Variants in DYNC1I2 observed in about 807,000 individuals in gnomAD.
The protein encoded by DYNC1I2 is dynein cytoplasmic 1 intermediate chain 2, also known as cytoplasmic dynein 1 intermediate chain 2.
Under a neutral mutation model 88.6 loss-of-function variants are expected in DYNC1I2, and 53 were observed. That is an observed-to-expected ratio of 0.60 (90% CI 0.48 to 0.75). DYNC1I2 has a LOEUF of 0.75. Among genes scored for constraint, DYNC1I2 ranks in the 30% least tolerant of loss-of-function variants. The pLI, the probability that DYNC1I2 is intolerant of heterozygous loss-of-function variation, is 0.00. For synonymous variants in DYNC1I2, 198 were observed against 254.6 expected (o/e 0.78, Z 2.12); for missense variants, 458 against 766.6 (o/e 0.60, Z 4.75).
chr2:171,712,713 A>G, intron 5 of DYNC1I2, 54 bp from the exon 6 acceptor site: 1 of 1,311,170 alleles, frequency 7.6e-7, no homozygotes, highest in Non-Finnish European at 1.1e-6. Flanking sequence ...TATTTGCTTG[A>G]CTAACTTATG....
chr2:171,732,412 G>A (rs1264697708), intron 15 of DYNC1I2, among the ~76,000 whole-genome samples: 1 of 152,122 alleles, frequency 6.6e-6, no homozygotes, highest in Admixed American at 6.5e-5. Context: ...TTTTATTTCA[G>A]TGCTTAATAT....
chr2:171,687,973 A>G (rs3795999), intron 1 of DYNC1I2: 108,432 of 152,242 alleles, frequency 0.71, 38,934 homozygotes, highest in South Asian at 0.83. Context: ...CGCCCGGCCC[A>G]GCTTTGGGGA....
rs1689984008 is a variant in DYNC1I2, at chr2:171,749,559, T to G, written c.*1670T>G. 6.6e-6 allele frequency among the ~76,000 whole-genome samples: 1 copy of G among 152,152 alleles called. No individual in the cohort carries two copies. Among genetic ancestry groups the G allele is most frequent in the Admixed American group, 6.5e-5 (1 of 15,276 alleles). On this transcript the variant is annotated 3_prime_UTR_variant, in exon 18 of 18. Coordinates refer to ENST00000397119, the MANE Select transcript of DYNC1I2 (RefSeq NM_001378.3). ...AGTTACTGTATCTTTACCTTCAGTT[T>G]GTAAAAATGACTAAAAGTAGGGAAA...
chr2:171,740,618 T>C lies in DYNC1I2; in HGVS notation c.1537-3431T>C, dbSNP rs115777655. Among the ~76,000 whole-genome samples the C allele has an allele frequency of 7.5e-3, 1,143 of 152,334 alleles. 12 individuals are homozygous for C. Among genetic ancestry groups the C allele is most frequent in the African/African-American group, 0.026 (1,071 of 41,574 alleles). On this transcript the variant is annotated intron_variant, in intron 15 of 17. Transcript: ENST00000397119. Reference sequence around the variant, plus strand: ...TTTCAATATGTAGTTTCAAGCTGTCTTTCATTTTAGGAGAGTTCTTTTGAG... The same window carrying C: ...TTTCAATATGTAGTTTCAAGCTGTCCTTCATTTTAGGAGAGTTCTTTTGAG...
At chr2:171,688,087 G>C (rs1685101666) in intron 1 of DYNC1I2, 1 of 152,300 alleles carries the variant, frequency 6.6e-6, no homozygotes, top group African/African-American at 2.4e-5. Context: ...GGAGCCTTGA[G>C]GCTTGTCCGG....
intron 3 of DYNC1I2, among the ~76,000 whole-genome samples, chr2:171,694,375 T>G (rs1685604976): frequency 6.6e-6 from 1 of 152,048 alleles, no homozygotes. Flanking sequence ...TGAAAAGAGG[T>G]GGCTGGGTGG....
At chr2:171,687,775 G>T (rs1188053114) in intron 1 of DYNC1I2, 148 bp downstream of exon 1, 1 of 152,678 alleles carries the variant, frequency 6.5e-6, no homozygotes. Flanking sequence ...GAAAGCCGCG[G>T]AGCTGGTGGT....
intron 7 of DYNC1I2, among the ~76,000 whole-genome samples, chr2:171,721,173 T>G (rs982637846): frequency 6.7e-6 from 1 of 149,952 alleles, no homozygotes; most frequent in Non-Finnish European, 1.5e-5. Flanking sequence ...AAATTTTGTG[T>G]TAAAGGAAGT....
intron 7 of DYNC1I2, 42 bp from the exon 8 acceptor site, chr2:171,725,576 C>CTGTTTTTT (rs777928210): frequency 1.7e-6 from 2 of 1,175,790 alleles, no homozygotes; most frequent in Admixed American, 3.1e-5. Context: ...TTATATCATT[C>CTGTTTTTT]TGTTTTTTTG....
At chr2:171,741,841 G>A (rs1689447793) in intron 15 of DYNC1I2, among the ~76,000 whole-genome samples, 1 of 152,048 alleles carries the variant, frequency 6.6e-6, no homozygotes, top group Non-Finnish European at 1.5e-5. Context: ...TAGCACTTTG[G>A]GAGGCCGAGG....
intron 4 of DYNC1I2, chr2:171,706,902 G>A (rs1686724528): frequency 2.5e-6 from 1 of 399,178 alleles, no homozygotes; most frequent in Non-Finnish European, 4.4e-6. Flanking sequence ...GGCAGCAATT[G>A]TAAATAATAT....
chr2:171,702,940 G>T (rs531248493), intron 3 of DYNC1I2, among the ~76,000 whole-genome samples: 1 of 152,172 alleles, frequency 6.6e-6, no homozygotes, highest in African/African-American at 2.4e-5. Flanking sequence ...GTGCAGGCTG[G>T]TATCAAACTC....
intron 3 of DYNC1I2, among the ~76,000 whole-genome samples, chr2:171,698,935 G>A (rs1352703340): frequency 6.6e-6 from 1 of 151,184 alleles, no homozygotes; most frequent in Non-Finnish European, 1.5e-5. Flanking sequence ...CTGAGCTCAA[G>A]CAATCCACCC....
intron 2 of DYNC1I2, among the ~76,000 whole-genome samples, chr2:171,690,915 C>T (rs1685359061): frequency 6.6e-6 from 1 of 151,832 alleles, no homozygotes; most frequent in Non-Finnish European, 1.5e-5. Context: ...CTAGGCTTCC[C>T]GAAGTGTTGG....
chr2:171,702,045 A>G (rs1686303443), intron 3 of DYNC1I2, among the ~76,000 whole-genome samples: 1 of 152,224 alleles, frequency 6.6e-6, no homozygotes, highest in Non-Finnish European at 1.5e-5. Context: ...TATTTAGCTT[A>G]TGATATCTAT....
At chr2:171,735,684 C>T (rs376286021) in intron 15 of DYNC1I2, among the ~76,000 whole-genome samples, 3 of 152,112 alleles carry the variant, frequency 2.0e-5, no homozygotes, top group Non-Finnish European at 4.4e-5. Context: ...AATTCACAAC[C>T]GAAGCACTTT....
intron 7 of DYNC1I2, among the ~76,000 whole-genome samples, chr2:171,719,198 A>G (rs763886600): frequency 3.9e-5 from 4 of 102,130 alleles, no homozygotes; most frequent in East Asian, 3.3e-4. Flanking sequence ...TCCTGATACC[A>G]TGGAGCTATC....
In DYNC1I2 at chr2:171,725,600, T is replaced by TG; in HGVS notation, c.512-18_512-17insG. 2 of 1,049,650 alleles carry TG rather than the reference T, an allele frequency of 1.9e-6. No individual in the cohort carries two copies. The highest frequency in any genetic ancestry group is 1.9e-5 in the African/African-American group (1 of 52,580). 65.0% of individuals were successfully genotyped at this position (1,049,650 alleles called of 1,614,324 possible). A position where few individuals can be genotyped will look rare whatever the true frequency, so the allele number is the denominator to read the frequency against. ...TCTGTTTTTTTGTTTTTTTGTTTGT[T>TG]TTTTTTTTTTTTTTCAGATGAAGAG... On this transcript the variant is annotated splice_polypyrimidine_tract_variant and intron_variant, in intron 7 of 17. Transcript: ENST00000397119.
chr2:171,712,176 G>A (rs905974395), intron 5 of DYNC1I2, among the ~76,000 whole-genome samples: 3 of 152,086 alleles, frequency 2.0e-5, no homozygotes, highest in Non-Finnish European at 4.4e-5. Context: ...AGCCCAAGGC[G>A]GTGCTTAACC....
Sources: allele counts gnomAD v4.1 joint callset (sites outside exome capture counted in the v4.1 genomes callset), GRCh38; gene constraint gnomAD v4.1.1; transcripts MANE v1.5; gene names NCBI Gene and HGNC (gene_info 2026-07-23, HGNC 2026-07-21).